IGSF3: variants seen among roughly 807,000 people sequenced by gnomAD.
The protein encoded by IGSF3 is glu-Trp-Ile EWI motif-containing protein 3.
Under a neutral mutation model 114.4 loss-of-function variants are expected in IGSF3, and 23 were observed. That is an observed-to-expected ratio of 0.20 (90% CI 0.14 to 0.28). IGSF3 has a LOEUF of 0.28. Ranked by LOEUF, IGSF3 falls within the 10% of genes least tolerant of loss-of-function variation. The probability of loss-of-function intolerance (pLI) is 1.00; values close to 1 mark genes in which losing one functional copy is unlikely to be tolerated. For missense variants in IGSF3, 1,172 were observed against 1,591.5 expected (o/e 0.74, Z 4.48); for synonymous variants, 571 against 645.2 (o/e 0.88, Z 1.74).
At position 116,654,707 on chromosome 1, in the gene IGSF3, C is replaced by T. The variant is rs937041349; in HGVS notation, c.43+11577G>A. Among the ~76,000 whole-genome samples, 3 of 152,192 alleles carry T rather than the reference C, an allele frequency of 2.0e-5. No individual in the cohort carries two copies. The highest frequency in any genetic ancestry group is 2.9e-5 in the Non-Finnish European group (2 of 68,040). On this transcript the variant is annotated intron_variant, in intron 2 of 10. Coordinates refer to ENST00000369486, the MANE Select transcript of IGSF3 (RefSeq NM_001007237.3). The surrounding 1 kb of genome is among the most constrained non-coding windows in gnomAD (Gnocchi z 4.4). ...GTATGTGATTTCTCTATTTCTATTT[C>T]TCTTTTGTTTGGGCTTCCTAGAAAT...
rs555915863 is a variant in IGSF3 at position 116,666,417 on chromosome 1, A to C, written c.-91T>G. ...TCTGGCAATCCACTTATAGCTCCAGAGAACAGTTTTGGAAATAGAACTTAA... is the reference window on the plus strand; with the variant it reads ...TCTGGCAATCCACTTATAGCTCCAGCGAACAGTTTTGGAAATAGAACTTAA... On this transcript the variant is annotated 5_prime_UTR_variant, in exon 2 of 11. Coordinates refer to ENST00000369486, the MANE Select transcript of IGSF3 (RefSeq NM_001007237.3). The C allele has an allele frequency of 8.2e-6, 10 of 1,216,164 alleles. No individual in the cohort carries two copies. The East Asian group carries it at 2.1e-4, about 25-fold the overall frequency. The allele number at this position is 1,216,164 out of a possible 1,614,324, so 75.3% of individuals were successfully genotyped here. A position where few individuals can be genotyped will look rare whatever the true frequency, so the allele number is the denominator to read the frequency against.
rs1210043944 is a variant in IGSF3, at chr1:116,610,260, T to G, written c.833-1929A>C. ...CCTTCCACATAAACACCACTGGAGC[T>G]GTGCAAGGGGTACCCTAGACCTCAG... On this transcript the variant is annotated intron_variant, in intron 4 of 10. Coordinates refer to ENST00000369486, the MANE Select transcript of IGSF3 (RefSeq NM_001007237.3). The surrounding 1 kb of genome is among the most constrained non-coding windows in gnomAD (Gnocchi z 4.3). 6.6e-6 allele frequency among the ~76,000 whole-genome samples: 1 copy of G among 152,224 alleles called. No homozygotes were observed. The highest frequency in any genetic ancestry group is 1.5e-5 in the Non-Finnish European group (1 of 68,038).
Position 116,662,082 on chromosome 1 carries a change from T to G in IGSF3, c.43+4202A>C, listed in dbSNP as rs1317083014. Among the ~76,000 whole-genome samples the G allele has an allele frequency of 6.6e-6, 1 of 152,102 alleles. No individual in the cohort carries two copies. The highest frequency in any genetic ancestry group is 1.9e-4 in the East Asian group (1 of 5,200). ...CTATCTTAGGCAAGTGACTCTTTTT[T>G]TTTTTTTGAGACAGAGTTTTGCTCA... On this transcript the variant is annotated intron_variant, in intron 2 of 10. Transcript: ENST00000369486. This position sits in a 1 kb window ranked among gnomAD's most constrained non-coding sequence, Gnocchi z 4.3.
At chr1:116,620,549 T>C (rs867889901) in intron 2 of IGSF3, among the ~76,000 whole-genome samples, 2 of 152,134 alleles carry the variant, frequency 1.3e-5, no homozygotes, top group African/African-American at 4.8e-5. Flanking sequence ...GCACAAATGG[T>C]GGAATGTGAC....
chr1:116,659,630 T>TTG (rs1290549548), intron 2 of IGSF3, among the ~76,000 whole-genome samples: 9 of 152,000 alleles, frequency 5.9e-5, no homozygotes, highest in African/African-American at 1.9e-4. Context: ...CTCGCTCTTT[T>TTG]TGTGTGTGTG....
At chr1:116,640,037 C>CG (rs1261130855) in intron 2 of IGSF3, among the ~76,000 whole-genome samples, 2,687 of 65,146 alleles carry the variant, frequency 0.041, 103 homozygotes, top group African/African-American at 0.14. Context: ...GACTCTATCT[C>CG]AAAAAAAAAA....
chr1:116,598,322 C>T lies in IGSF3; in HGVS notation c.2029+1619G>A, dbSNP rs533162509. Among the ~76,000 whole-genome samples the T allele has an allele frequency of 6.6e-6, 1 of 152,224 alleles. No homozygotes were observed. The highest frequency in any genetic ancestry group is 2.1e-4 in the South Asian group (1 of 4,824). On this transcript the variant is annotated intron_variant, in intron 7 of 10. Transcript: ENST00000369486. The surrounding 1 kb of genome is among the most constrained non-coding windows in gnomAD (Gnocchi z 4.3). The stretch of plus-strand genomic sequence containing the variant: ...CTCAATAATGCAGGCAAGTGGGTAC[C>T]TCGACATTTTCCACAACAAGGGTTC...
Position 116,624,325 on chromosome 1 carries a change from T to C in IGSF3, c.44-7868A>G, listed in dbSNP as rs1661511968. ...TTCCTAAGTCTTCGCCTTCACTGAC[T>C]TCCCACAGCATGGGCAGTAGCTGTG... On this transcript the variant is annotated intron_variant, in intron 2 of 10. Transcript: ENST00000369486. The surrounding 1 kb of genome is among the most constrained non-coding windows in gnomAD (Gnocchi z 4.9). Among the ~76,000 whole-genome samples, 1 of 152,188 alleles carries C rather than the reference T, an allele frequency of 6.6e-6. No homozygotes were observed. The highest frequency in any genetic ancestry group is 1.5e-5 in the Non-Finnish European group (1 of 68,024).
intron 2 of IGSF3, among the ~76,000 whole-genome samples, chr1:116,656,818 C>T (rs1410487367): frequency 6.6e-6 from 1 of 152,030 alleles, no homozygotes; most frequent in Non-Finnish European, 1.5e-5. Context: ...ATCCCAGCTA[C>T]TCGGGAGGCT....
intron 2 of IGSF3, among the ~76,000 whole-genome samples, chr1:116,639,782 C>T (rs1245501039): frequency 3.3e-5 from 5 of 152,108 alleles, no homozygotes; most frequent in South Asian, 4.1e-4. Context: ...AGAAAATATG[C>T]ACTTTCTTTG....
In IGSF3 at chr1:116,634,037, A is replaced by G. The variant is rs1302166888; in HGVS notation, c.44-17580T>C. 6.6e-6 allele frequency among the ~76,000 whole-genome samples: 1 copy of G among 152,248 alleles called. No individual in the cohort carries two copies. Among genetic ancestry groups the G allele is most frequent in the Non-Finnish European group, 1.5e-5 (1 of 68,038 alleles). On this transcript the variant is annotated intron_variant, in intron 2 of 10. Transcript: ENST00000369486. The surrounding 1 kb of genome is among the most constrained non-coding windows in gnomAD (Gnocchi z 4.2). ...TGTGTACAGTCAGCATCAAAGAGGT[A>G]ACAATGGTAGAGAATATTTTCTGAA...
rs907824806 is a variant in IGSF3 at position 116,605,628 on chromosome 1, T to C, written c.1223-1603A>G. 6.6e-6 allele frequency among the ~76,000 whole-genome samples: 1 copy of C among 152,094 alleles called. No individual in the cohort carries two copies. The highest frequency in any genetic ancestry group is 2.4e-5 in the African/African-American group (1 of 41,402). ...AAGCTCCAATTTCTCATGTGCAAAA[T>C]GGAGATACTAATAGTGCCTACTTCT... On this transcript the variant is annotated intron_variant, in intron 5 of 10. Coordinates refer to ENST00000369486, the MANE Select transcript of IGSF3 (RefSeq NM_001007237.3). The surrounding 1 kb of genome is among the most constrained non-coding windows in gnomAD (Gnocchi z 5.1).
chr1:116,643,811 G>C (rs1490373946), intron 2 of IGSF3, among the ~76,000 whole-genome samples: 3 of 152,254 alleles, frequency 2.0e-5, no homozygotes, highest in Non-Finnish European at 4.4e-5. Flanking sequence ...GGATGCTGAA[G>C]TCCAGAAAGG....
chr1:116,623,440 C>T (rs1484139874), intron 2 of IGSF3, among the ~76,000 whole-genome samples: 1 of 152,110 alleles, frequency 6.6e-6, no homozygotes, highest in Admixed American at 6.5e-5. Flanking sequence ...AATCCCAGCA[C>T]TTTGGGAGGC....
In IGSF3 at chr1:116,616,502, G is replaced by A; in HGVS notation, c.44-45C>T. The A allele has an allele frequency of 3.3e-6, 5 of 1,531,120 alleles. No individual in the cohort carries two copies. The highest frequency in any genetic ancestry group is 4.4e-6 in the Non-Finnish European group (5 of 1,133,068). 94.8% of individuals were successfully genotyped at this position (1,531,120 alleles called of 1,614,324 possible). On this transcript the variant is annotated intron_variant, in intron 2 of 10. Transcript: ENST00000369486. This position sits in a 1 kb window ranked among gnomAD's most constrained non-coding sequence, Gnocchi z 6.6. ...ACACAACATGCTTACTTACTTCTCAGACCAAAATGCAAAGTAGCCAGCAAT... is the reference window on the plus strand; with the variant it reads ...ACACAACATGCTTACTTACTTCTCAAACCAAAATGCAAAGTAGCCAGCAAT...
At chr1:116,641,672 C>A (rs1408015726) in intron 2 of IGSF3, among the ~76,000 whole-genome samples, 3 of 151,816 alleles carry the variant, frequency 2.0e-5, no homozygotes, top group African/African-American at 7.3e-5. Context: ...AGGCAGAGAG[C>A]AGAGCTGGCA....
Position 116,598,596 on chromosome 1 carries a change from G to A in IGSF3, c.2029+1345C>T, listed in dbSNP as rs1660438928. 1.3e-5 allele frequency among the ~76,000 whole-genome samples: 2 copies of A among 152,192 alleles called. No individual in the cohort carries two copies. The highest frequency in any genetic ancestry group is 4.1e-4 in the South Asian group (2 of 4,834). ...ACCTCACGTTGCTGAAAACGACACTGTGGCCACCTAAAGCAGTCAGGCAGA... is the reference window on the plus strand; with the variant it reads ...ACCTCACGTTGCTGAAAACGACACTATGGCCACCTAAAGCAGTCAGGCAGA... On this transcript the variant is annotated intron_variant, in intron 7 of 10. Transcript: ENST00000369486. This position sits in a 1 kb window ranked among gnomAD's most constrained non-coding sequence, Gnocchi z 4.3.
chr1:116,617,653 A>G (rs1815511), intron 2 of IGSF3, among the ~76,000 whole-genome samples: 1 of 152,212 alleles, frequency 6.6e-6, no homozygotes, highest in South Asian at 2.1e-4. Context: ...TTTTCTCATC[A>G]GTAAGATGGG....
chr1:116,602,460 C>T (rs1010348767), intron 6 of IGSF3, among the ~76,000 whole-genome samples: 1 of 151,910 alleles, frequency 6.6e-6, no homozygotes, highest in African/African-American at 2.4e-5. Context: ...GATACAGGAA[C>T]TGAGCTGATC....
Sources: allele counts gnomAD v4.1 joint callset (sites outside exome capture counted in the v4.1 genomes callset), GRCh38; gene constraint gnomAD v4.1.1; non-coding constraint Gnocchi (gnomAD v3.1); transcripts MANE v1.5; gene names NCBI Gene and HGNC (gene_info 2026-07-23, HGNC 2026-07-21).